EFCAB13: variants seen among roughly 807,000 people sequenced by gnomAD.
The protein encoded by EFCAB13 is EF-hand calcium-binding domain-containing protein 13.
In EFCAB13, 91 loss-of-function variants were observed where a neutral mutation model predicts 110.2. The observed-to-expected ratio is 0.83, with a 90% CI of 0.70 to 0.98. The LOEUF (loss-of-function observed/expected upper bound fraction) is 0.98, where lower values mean the gene tolerates loss of function less well. EFCAB13 is among the 50% of genes least tolerant of loss of function. EFCAB13 has a pLI of 0.00. For missense variants in EFCAB13, 968 were observed against 1,119.4 expected, an observed-to-expected ratio of 0.86 and a Z score of 1.93; for synonymous variants, 323 against 369.9, an observed-to-expected ratio of 0.87 and a Z score of 1.45.
chr17:47,395,157 A>G (rs1374709925), intron 16 of EFCAB13, among the ~76,000 whole-genome samples: 1 of 152,004 alleles, frequency 6.6e-6, no homozygotes, highest in Non-Finnish European at 1.5e-5. Context: ...CTTTTGTTGC[A>G]CCTATCTGGC....
intron 9 of EFCAB13, among the ~76,000 whole-genome samples, chr17:47,355,722 G>A (rs748412263): frequency 4.0e-5 from 6 of 151,708 alleles, no homozygotes; most frequent in African/African-American, 9.7e-5. Flanking sequence ...ACAGTCGCGC[G>A]CCACCAAACC....
intron 24 of EFCAB13, chr17:47,430,352 A>C: frequency 8.0e-6 from 2 of 249,222 alleles, no homozygotes. Flanking sequence ...GTGGTGGCTC[A>C]GGGCAGCAGA....
intron 14 of EFCAB13, among the ~76,000 whole-genome samples, chr17:47,384,641 T>C (rs2065666288): frequency 6.6e-6 from 1 of 152,224 alleles, no homozygotes; most frequent in Non-Finnish European, 1.5e-5. Context: ...TAGAAAATTC[T>C]TTTCTTTAAG....
chr17:47,362,542 C>G (rs990311918), intron 10 of EFCAB13, among the ~76,000 whole-genome samples: 1 of 152,168 alleles, frequency 6.6e-6, no homozygotes, highest in African/African-American at 2.4e-5. Flanking sequence ...TACTCCTCCA[C>G]CTCTTGTGGA....
intron 10 of EFCAB13, among the ~76,000 whole-genome samples, chr17:47,362,555 G>A (rs1028788230): frequency 6.6e-6 from 1 of 152,066 alleles, no homozygotes; most frequent in Admixed American, 6.6e-5. Context: ...CTTGTGGAGG[G>A]CCTGACGGAG....
intron 3 of EFCAB13, 28 bp downstream of exon 3, chr17:47,326,415 GTTCA>G (rs1004984843): frequency 3.3e-5 from 5 of 151,982 alleles, no homozygotes; most frequent in African/African-American, 1.2e-4. Context: ...AAGGGAATTT[GTTCA>G]TTCATCCCTC....
At chr17:47,398,479 A>G (rs2065760371) in intron 17 of EFCAB13, among the ~76,000 whole-genome samples, 1 of 151,580 alleles carries the variant, frequency 6.6e-6, no homozygotes, top group South Asian at 2.1e-4. Flanking sequence ...GTGTAGAAAG[A>G]GGTAGACATG....
intron 10 of EFCAB13, 104 bp downstream of exon 10, chr17:47,361,625 T>C (rs2143318917): frequency 1.1e-6 from 1 of 940,340 alleles, no homozygotes; most frequent in East Asian, 2.8e-5. Context: ...CTTCTCCTTT[T>C]TTCTCTTGAT....
In EFCAB13 at chr17:47,334,427, T is replaced by C. The variant is rs1415373983; in HGVS notation, c.31-769T>C. Among the ~76,000 whole-genome samples the C allele has an allele frequency of 3.3e-5, 5 of 152,244 alleles. No individual in the cohort carries two copies. The South Asian group carries it at 6.2e-4, about 19-fold the overall frequency. On this transcript the variant is annotated intron_variant, in intron 4 of 24. Coordinates refer to ENST00000331493, the MANE Select transcript of EFCAB13 (RefSeq NM_152347.5). ...GACTTGTCCTTTCATTGTCTTGATA[T>C]GGTGTCTTTCACAGAGCAGAAGCTT...
chr17:47,372,831 T>C (rs1395732312), intron 11 of EFCAB13, among the ~76,000 whole-genome samples: 1 of 152,182 alleles, frequency 6.6e-6, no homozygotes, highest in East Asian at 1.9e-4. Context: ...TATTTACTTT[T>C]GCTATTTTCA....
intron 22 of EFCAB13, among the ~76,000 whole-genome samples, chr17:47,414,259 G>C (rs745655028): frequency 6.6e-6 from 1 of 151,100 alleles, no homozygotes; most frequent in Non-Finnish European, 1.5e-5. Context: ...GTGCACGTGC[G>C]TGTGTGTGTG....
chr17:47,415,210 G>T (rs893699283), intron 23 of EFCAB13, among the ~76,000 whole-genome samples: 1 of 152,088 alleles, frequency 6.6e-6, no homozygotes, highest in African/African-American at 2.4e-5. Context: ...ACACAGGAAG[G>T]GGAACATCAC....
chr17:47,374,512 CAG>C lies in EFCAB13; in HGVS notation c.920_921del (p.Arg307LysfsTer13). 6.4e-7 allele frequency: 1 copy of C among 1,551,990 alleles called. No homozygotes were observed. Among genetic ancestry groups the C allele is most frequent in the Non-Finnish European group, 8.6e-7 (1 of 1,156,480 alleles). On this transcript the variant is annotated frameshift_variant, in exon 12 of 25. Transcript: ENST00000331493. LOFTEE classifies it high-confidence loss of function. ...CACCTTTGAATGAAATTACTTCAGA[CAG>C]AAAGTTATCAAGTGTAGCAGGATGC... ...GSPLNEITSD[R>X]KLSSVAGCYL...
At chr17:47,416,170 C>T (rs1232783472) in intron 23 of EFCAB13, among the ~76,000 whole-genome samples, 1 of 151,786 alleles carries the variant, frequency 6.6e-6, no homozygotes, top group Non-Finnish European at 1.5e-5. Flanking sequence ...TAAAGTGTAC[C>T]ATTCAGTGAT....
At chr17:47,328,447 C>A in intron 4 of EFCAB13, 64 bp downstream of exon 4, 2 of 1,310,402 alleles carry the variant, frequency 1.5e-6, no homozygotes, top group South Asian at 1.4e-5. Context: ...GTTTACATTA[C>A]CTCATATTCA....
intron 17 of EFCAB13, among the ~76,000 whole-genome samples, chr17:47,397,509 C>T (rs2065747741): frequency 6.6e-6 from 1 of 150,696 alleles, no homozygotes; most frequent in Non-Finnish European, 1.5e-5. Flanking sequence ...TGCCTGGCTG[C>T]TCAGTCTGGA....
intron 17 of EFCAB13, among the ~76,000 whole-genome samples, chr17:47,401,790 G>A (rs775668698): frequency 4.6e-5 from 7 of 151,768 alleles, no homozygotes; most frequent in Non-Finnish European, 8.8e-5. Context: ...GACTACAGGC[G>A]CATGCCACCA....
chr17:47,374,478 C>T lies in EFCAB13; in HGVS notation c.884C>T (p.Thr295Ile). The T allele has an allele frequency of 2.7e-6, 4 of 1,500,124 alleles. No homozygotes were observed. The highest frequency in any genetic ancestry group is 3.6e-6 in the Non-Finnish European group (4 of 1,124,946). The allele number at this position is 1,500,124 out of a possible 1,614,324, so 92.9% of individuals were successfully genotyped here. Residue 295 changes from threonine to isoleucine, a missense_variant, in exon 12 of 25, where the codon ACA becomes ATA. Thr to Ile is a moderately conservative substitution (Grantham distance 89, BLOSUM62 -1). Coordinates refer to ENST00000331493, the MANE Select transcript of EFCAB13 (RefSeq NM_152347.5). ...GTATATTTCTCTTATTTAGCAATTA[C>T]AGAAGGATCACCTTTGAATGAAATT... The part of the protein sequence containing the change: ...LQEQYEDVSI[T>I]EGSPLNEITS...
At chr17:47,390,040 G>T (rs956374201) in intron 14 of EFCAB13, among the ~76,000 whole-genome samples, 18 of 152,220 alleles carry the variant, frequency 1.2e-4, no homozygotes, top group African/African-American at 4.3e-4. Flanking sequence ...TCACTTGTTT[G>T]TTTAGAAAGC....
Sources: allele counts gnomAD v4.1 joint callset (sites outside exome capture counted in the v4.1 genomes callset), GRCh38; gene constraint gnomAD v4.1.1; transcripts MANE v1.5; gene names NCBI Gene and HGNC (gene_info 2026-07-23, HGNC 2026-07-21).